NXPH3: variants seen among roughly 807,000 people sequenced by gnomAD.
The protein encoded by NXPH3 is neurexophilin 3.
In NXPH3, 7 loss-of-function variants were observed where a neutral mutation model predicts 18.8. That is an observed-to-expected ratio of 0.37 (90% CI 0.21 to 0.70). NXPH3 has a LOEUF of 0.70. Ranked by LOEUF, NXPH3 falls within the 30% of genes least tolerant of loss-of-function variation. NXPH3 has a pLI of 0.53. For missense variants in NXPH3, 282 were observed against 338.1 expected, an observed-to-expected ratio of 0.83 and a Z score of 1.30; for synonymous variants, 101 against 137.3, an observed-to-expected ratio of 0.74 and a Z score of 1.85.
At position 49,582,881 on chromosome 17, in the gene NXPH3, T is replaced by C. The variant is rs1033907565; in HGVS notation, c.*3581T>C. 3 of 152,258 alleles carry C rather than the reference T, an allele frequency of 2.0e-5. No homozygotes were observed. The highest frequency in any genetic ancestry group is 4.4e-5 in the Non-Finnish European group (3 of 68,106). 9.4% of individuals were successfully genotyped at this position (152,258 alleles called of 1,614,324 possible). ...ACTGGTAGCAATGCCCGAGTCTCCT[T>C]CTCGATGAAGCTTAAGGCAAAAGCA... On this transcript the variant is annotated 3_prime_UTR_variant, in exon 2 of 2. Coordinates refer to ENST00000328741, the MANE Select transcript of NXPH3 (RefSeq NM_007225.4).
At chr17:49,576,983 G>T (rs921981095) in intron 1 of NXPH3, among the ~76,000 whole-genome samples, 1 of 151,736 alleles carries the variant, frequency 6.6e-6, no homozygotes, top group South Asian at 2.1e-4. Flanking sequence ...CCGAGCGCCC[G>T]CTGACCCTCC....
At position 49,579,593 on chromosome 17, in the gene NXPH3, T is replaced by TC; in HGVS notation, c.*297dup. The stretch of plus-strand genomic sequence containing the variant: ...CACGGAGCCACAGAGAGATGCTGGG[T>TC]CCCCGAGGCCTGTGGGCAGGCCGAT... On this transcript the variant is annotated 3_prime_UTR_variant, in exon 2 of 2. Coordinates refer to ENST00000328741, the MANE Select transcript of NXPH3 (RefSeq NM_007225.4). This position sits in a 1 kb window ranked among gnomAD's most constrained non-coding sequence, Gnocchi z 6.0. The TC allele has an allele frequency of 2.3e-6, 1 of 428,754 alleles. No homozygotes were observed. Among genetic ancestry groups the TC allele is most frequent in the Non-Finnish European group, 4.2e-6 (1 of 236,350 alleles). The allele number at this position is 428,754 out of a possible 1,614,324, so 26.6% of individuals were successfully genotyped here. A position where few individuals can be genotyped will look rare whatever the true frequency, so the allele number is the denominator to read the frequency against.
Position 49,580,825 on chromosome 17 carries a change from CCCAGAGGGT to C in NXPH3, c.*1526_*1534del, listed in dbSNP as rs1246483952. On this transcript the variant is annotated 3_prime_UTR_variant, in exon 2 of 2. Coordinates refer to ENST00000328741, the MANE Select transcript of NXPH3 (RefSeq NM_007225.4). Reference sequence around the variant, plus strand: ...ACCAGGGGTTCTCAAACGCGGATCACCCAGAGGGTTTGTTAACACACAGATTTCTGGGTC... The same window carrying C: ...ACCAGGGGTTCTCAAACGCGGATCACTTGTTAACACACAGATTTCTGGGTC... 2 of 152,316 alleles carry C rather than the reference CCCAGAGGGT, an allele frequency of 1.3e-5. No homozygotes were observed. Among genetic ancestry groups the C allele is most frequent in the African/African-American group, 4.8e-5 (2 of 41,464 alleles). The allele number at this position is 152,316 out of a possible 1,614,324, so 9.4% of individuals were successfully genotyped here.
chr17:49,580,155 G>A lies in NXPH3; in HGVS notation c.*855G>A, dbSNP rs1372433012. The A allele has an allele frequency of 6.6e-6, 1 of 152,292 alleles. No individual in the cohort carries two copies. Among genetic ancestry groups the A allele is most frequent in the East Asian group, 1.9e-4 (1 of 5,162 alleles). 9.4% of individuals were successfully genotyped at this position (152,292 alleles called of 1,614,324 possible). ...AGTCAGCCTCACCTGTCAGACCGGGGTTCTCCCGGATCTGGATGGCGCCGC... is the reference window on the plus strand; with the variant it reads ...AGTCAGCCTCACCTGTCAGACCGGGATTCTCCCGGATCTGGATGGCGCCGC... On this transcript the variant is annotated 3_prime_UTR_variant, in exon 2 of 2. Transcript: ENST00000328741.
In NXPH3 at chr17:49,581,764, C is replaced by T; in HGVS notation, c.*2464C>T. On this transcript the variant is annotated 3_prime_UTR_variant, in exon 2 of 2. Transcript: ENST00000328741. ...AATGGGGCCAGAGGCCCTGGGCGCC[C>T]TCCCCACCTCCCCTGGCTGAACTCT... The T allele has an allele frequency of 1.4e-6, 1 of 701,960 alleles. No homozygotes were observed. The highest frequency in any genetic ancestry group is 2.6e-6 in the Non-Finnish European group (1 of 384,692). 43.5% of individuals were successfully genotyped at this position (701,960 alleles called of 1,614,324 possible).
At position 49,578,988 on chromosome 17, in the gene NXPH3, G is replaced by A; in HGVS notation, c.447G>A (p.Val149=). The change falls in exon 2 of 2, where the codon GTG becomes GTA. Residue 149 remains valine, a synonymous_variant. Coordinates refer to ENST00000328741, the MANE Select transcript of NXPH3 (RefSeq NM_007225.4). The surrounding 1 kb of genome is among the most constrained non-coding windows in gnomAD (Gnocchi z 4.5). ...AGGGAAACATCTCCATCAGCCTCGT[G>A]CCCCCCAGTAAAGCTGTAGAGTTCC... is the stretch of plus-strand genomic sequence containing the variant. ...TGQGNISISL[V]PPSKAVEFHQ... The A allele has an allele frequency of 6.2e-7, 1 of 1,614,148 alleles. No homozygotes were observed. Among genetic ancestry groups the A allele is most frequent in the Non-Finnish European group, 8.5e-7 (1 of 1,180,032 alleles).
chr17:49,581,486 T>TG lies in NXPH3; in HGVS notation c.*2190dup. On this transcript the variant is annotated 3_prime_UTR_variant, in exon 2 of 2. Coordinates refer to ENST00000328741, the MANE Select transcript of NXPH3 (RefSeq NM_007225.4). Reference sequence around the variant, plus strand: ...CCTCATACTGCAGCGCAGAGTTGGGTGGGGCTGAGAAGCCATCTGGTTACA... The same window carrying TG: ...CCTCATACTGCAGCGCAGAGTTGGGTGGGGGCTGAGAAGCCATCTGGTTACA... 3.2e-6 allele frequency: 2 copies of TG among 629,552 alleles called. No individual in the cohort carries two copies. The highest frequency in any genetic ancestry group is 5.8e-6 in the Non-Finnish European group (2 of 347,180). The allele number at this position is 629,552 out of a possible 1,614,324, so 39.0% of individuals were successfully genotyped here.
Position 49,580,297 on chromosome 17 carries a change from T to C in NXPH3, c.*997T>C, listed in dbSNP as rs1285709124. The C allele has an allele frequency of 6.6e-6, 1 of 152,304 alleles. No individual in the cohort carries two copies. Among genetic ancestry groups the C allele is most frequent in the Admixed American group, 6.5e-5 (1 of 15,280 alleles). 9.4% of individuals were successfully genotyped at this position (152,304 alleles called of 1,614,324 possible). ...GAGGGAAGTCTTGTGAAACCGCTGATTGCTGACTTTTGTGTGAAGAATCGT... is the reference window on the plus strand; with the variant it reads ...GAGGGAAGTCTTGTGAAACCGCTGACTGCTGACTTTTGTGTGAAGAATCGT... On this transcript the variant is annotated 3_prime_UTR_variant, in exon 2 of 2. Transcript: ENST00000328741.
Position 49,578,879 on chromosome 17 carries a change from C to T in NXPH3, c.338C>T (p.Ala113Val). The change falls in exon 2 of 2, where the codon GCC becomes GTC. Residue 113 changes from alanine to valine, a missense_variant. By Grantham distance (64) the Ala-to-Val change is moderately conservative (BLOSUM62 0). Coordinates refer to ENST00000328741, the MANE Select transcript of NXPH3 (RefSeq NM_007225.4). The surrounding 1 kb of genome is among the most constrained non-coding windows in gnomAD (Gnocchi z 4.5). ...GDFYSNIKTV[A>V]LNLLVTGKIV... is the part of the protein sequence containing the mutation. ...TTCTACTCCAACATCAAGACGGTGGCCCTGAACCTGCTCGTCACAGGGAAG... is the reference window on the plus strand; with the variant it reads ...TTCTACTCCAACATCAAGACGGTGGTCCTGAACCTGCTCGTCACAGGGAAG... The T allele has an allele frequency of 6.2e-7, 1 of 1,614,104 alleles. No homozygotes were observed. The highest frequency in any genetic ancestry group is 8.5e-7 in the Non-Finnish European group (1 of 1,180,026).
At position 49,578,393 on chromosome 17, in the gene NXPH3, A is replaced by AAGGG. The variant is rs2071581395; in HGVS notation, c.55-203_55-202insAGGG. ...TGGCCAAGACAGTGAGGAAAGGACA[A>AAGGG]TGGGGGGGGGGGTGACCCAACTGTC... On this transcript the variant is annotated intron_variant, in intron 1 of 1. Coordinates refer to ENST00000328741, the MANE Select transcript of NXPH3 (RefSeq NM_007225.4). The surrounding 1 kb of genome is among the most constrained non-coding windows in gnomAD (Gnocchi z 4.5). Among the ~76,000 whole-genome samples the AAGGG allele has an allele frequency of 2.0e-4, 21 of 104,956 alleles. No individual in the cohort carries two copies. Among genetic ancestry groups the AAGGG allele is most frequent in the African/African-American group, 8.6e-4 (21 of 24,480 alleles). The allele number at this position is 104,956 out of a possible 152,430, so 68.9% of individuals were successfully genotyped here.
At position 49,578,644 on chromosome 17, in the gene NXPH3, C is replaced by T. The variant is rs542225997; in HGVS notation, c.103C>T (p.Arg35Cys). ...DGPPGSEDPE[R>C]DDHEGQPRPR... ...TCCTCCCGGCTCAGAGGACCCTGAG[C>T]GTGATGACCACGAGGGCCAGCCCCG... Residue 35 changes from arginine to cysteine, a missense_variant, in exon 2 of 2, where the codon CGT becomes TGT. By Grantham distance (180) the Arg-to-Cys change is radical (BLOSUM62 -3). Transcript: ENST00000328741. The surrounding 1 kb of genome is among the most constrained non-coding windows in gnomAD (Gnocchi z 4.5). The T allele has an allele frequency of 7.5e-6, 12 of 1,600,652 alleles. No homozygotes were observed. The highest frequency in any genetic ancestry group is 2.2e-5 in the East Asian group (1 of 44,840).
rs932567546 is a variant in NXPH3, at chr17:49,582,191, C to T, written c.*2891C>T. 4.2e-5 allele frequency: 16 copies of T among 377,088 alleles called. No homozygotes were observed. Among genetic ancestry groups the T allele is most frequent in the African/African-American group, 2.3e-4 (11 of 48,278 alleles). The allele number at this position is 377,088 out of a possible 1,614,324, so 23.4% of individuals were successfully genotyped here. ...GGCGAGCAGTGTCCCCATGGTGATG[C>T]CCCCCCACCATCACGACGAAGTGCG... On this transcript the variant is annotated 3_prime_UTR_variant, in exon 2 of 2. Coordinates refer to ENST00000328741, the MANE Select transcript of NXPH3 (RefSeq NM_007225.4).
rs1425611108 is a variant in NXPH3, at chr17:49,579,301, C to G, written c.*1C>G. The G allele has an allele frequency of 2.9e-5, 47 of 1,593,332 alleles. No homozygotes were observed. Among genetic ancestry groups the G allele is most frequent in the Non-Finnish European group, 3.8e-5 (45 of 1,175,872 alleles). ...TACCCCCTACTACCCATCTGGGTGA[C>G]CCGGGGCAGGCCACAGAGGCCAGGC... On this transcript the variant is annotated 3_prime_UTR_variant, in exon 2 of 2. Coordinates refer to ENST00000328741, the MANE Select transcript of NXPH3 (RefSeq NM_007225.4). The surrounding 1 kb of genome is among the most constrained non-coding windows in gnomAD (Gnocchi z 6.0).
rs1054757791 is a variant in NXPH3 at position 49,581,598 on chromosome 17, C to T, written c.*2298C>T. 11 of 700,614 alleles carry T rather than the reference C, an allele frequency of 1.6e-5. No homozygotes were observed. In the Admixed American group the frequency reaches 2.0e-4, roughly 13 times the overall value. 43.4% of individuals were successfully genotyped at this position (700,614 alleles called of 1,614,324 possible). Reference sequence around the variant, plus strand: ...CTCCTGAGTGGAGATGTGAGACACACACCCCTCCTCCAGACCACCCTCCGC... The same window carrying T: ...CTCCTGAGTGGAGATGTGAGACACATACCCCTCCTCCAGACCACCCTCCGC... On this transcript the variant is annotated 3_prime_UTR_variant, in exon 2 of 2. Coordinates refer to ENST00000328741, the MANE Select transcript of NXPH3 (RefSeq NM_007225.4).
In NXPH3 at chr17:49,581,760, C is replaced by T. The variant is rs768102842; in HGVS notation, c.*2460C>T. On this transcript the variant is annotated 3_prime_UTR_variant, in exon 2 of 2. Transcript: ENST00000328741. The stretch of plus-strand genomic sequence containing the variant: ...AAGCAATGGGGCCAGAGGCCCTGGG[C>T]GCCCTCCCCACCTCCCCTGGCTGAA... 155 of 701,888 alleles carry T rather than the reference C, an allele frequency of 2.2e-4. 1 individual carries two copies. Among genetic ancestry groups the T allele is most frequent in the South Asian group, 2.0e-3 (134 of 67,520 alleles). 43.5% of individuals were successfully genotyped at this position (701,888 alleles called of 1,614,324 possible).
Position 49,578,697 on chromosome 17 carries a change from C to T in NXPH3, c.156C>T (p.His52=), listed in dbSNP as rs1486680171. The change falls in exon 2 of 2, where the codon CAC becomes CAT. Residue 52 remains histidine, a synonymous_variant. Coordinates refer to ENST00000328741, the MANE Select transcript of NXPH3 (RefSeq NM_007225.4). The surrounding 1 kb of genome is among the most constrained non-coding windows in gnomAD (Gnocchi z 4.5). ...PRPRVPRKRG[H]ISPKSRPMAN... is the part of the protein sequence containing the mutation. Reference sequence around the variant, plus strand: ...CCCGGGTGCCTCGGAAGCGGGGCCACATCTCACCTAAGTCCCGCCCCATGG... The same window carrying T: ...CCCGGGTGCCTCGGAAGCGGGGCCATATCTCACCTAAGTCCCGCCCCATGG... The T allele has an allele frequency of 1.9e-6, 3 of 1,613,142 alleles. No individual in the cohort carries two copies. Among genetic ancestry groups the T allele is most frequent in the Non-Finnish European group, 2.5e-6 (3 of 1,179,932 alleles).
chr17:49,580,774 C>T lies in NXPH3; in HGVS notation c.*1474C>T, dbSNP rs1339751801. ...TCTGGCTTTCTTTCTTTGTTTCTTC[C>T]TCTATGACATGAAGGGCTTGCCCAG... On this transcript the variant is annotated 3_prime_UTR_variant, in exon 2 of 2. Coordinates refer to ENST00000328741, the MANE Select transcript of NXPH3 (RefSeq NM_007225.4). 8 of 152,568 alleles carry T rather than the reference C, an allele frequency of 5.2e-5. No homozygotes were observed. The highest frequency in any genetic ancestry group is 1.7e-4 in the African/African-American group (7 of 41,472). 9.5% of individuals were successfully genotyped at this position (152,568 alleles called of 1,614,324 possible). A position where few individuals can be genotyped will look rare whatever the true frequency, so the allele number is the denominator to read the frequency against.
rs1427174660 is a variant in NXPH3 at position 49,578,293 on chromosome 17, AGGAG to A, written c.55-302_55-299del. 3.3e-4 allele frequency among the ~76,000 whole-genome samples: 50 copies of A among 152,028 alleles called. No homozygotes were observed. Among genetic ancestry groups the A allele is most frequent in the African/African-American group, 1.2e-3 (49 of 41,480 alleles). ...ATCAGACTGGGGACTCCCTAGGGGTAGGAGCCGTTGTCCCTGGTGCCACAGTTCA... is the reference window on the plus strand; with the variant it reads ...ATCAGACTGGGGACTCCCTAGGGGTACCGTTGTCCCTGGTGCCACAGTTCA... On this transcript the variant is annotated intron_variant, in intron 1 of 1. Transcript: ENST00000328741. The surrounding 1 kb of genome is among the most constrained non-coding windows in gnomAD (Gnocchi z 4.5).
rs1314041309 is a variant in NXPH3, at chr17:49,581,380, G to A, written c.*2080G>A. ...CCTTTGGGCCCTCTTGAGGAGAGGA[G>A]AGTCCTGGCAGTAAGGTAAGATGGG... On this transcript the variant is annotated 3_prime_UTR_variant, in exon 2 of 2. Transcript: ENST00000328741. The A allele has an allele frequency of 2.2e-5, 13 of 587,636 alleles. No individual in the cohort carries two copies. Among genetic ancestry groups the A allele is most frequent in the Non-Finnish European group, 6.0e-6 (2 of 331,616 alleles). The allele number at this position is 587,636 out of a possible 1,614,324, so 36.4% of individuals were successfully genotyped here.
Sources: allele counts gnomAD v4.1 joint callset (sites outside exome capture counted in the v4.1 genomes callset), GRCh38; gene constraint gnomAD v4.1.1; non-coding constraint Gnocchi (gnomAD v3.1); transcripts MANE v1.5; gene names NCBI Gene and HGNC (gene_info 2026-07-23, HGNC 2026-07-21).